Variants in CIMAP1B observed in about 807,000 individuals in gnomAD.
CIMAP1B encodes orf2 5' to PD-ECGF/TP.
chr22:50,531,330 C>G, the CIMAP1B span: 22 of 1,525,946 alleles, frequency 1.4e-5, no homozygotes, highest in African/African-American at 2.6e-4. Context: ...GGGGCTAGAA[C>G]TGCGTGGGAG....
At chr22:50,531,028 A>C in the CIMAP1B span, 1 of 1,609,382 alleles carries the variant, frequency 6.2e-7, no homozygotes, top group Non-Finnish European at 8.5e-7. Flanking sequence ...GCGCGGACCC[A>C]AGAGCGAGGG....
the CIMAP1B span, chr22:50,530,913 C>T: frequency 6.2e-7 from 1 of 1,609,312 alleles, no homozygotes; most frequent in Non-Finnish European, 8.5e-7. Context: ...GGACCCCCTG[C>T]GTCCGCCCCG....
the CIMAP1B span, chr22:50,531,743 C>A: frequency 1.5e-6 from 2 of 1,369,556 alleles, no homozygotes; most frequent in Non-Finnish European, 1.9e-6. Context: ...GGCGGGGGCG[C>A]GCGGCCGCGA....
chr22:50,532,036 C>A, the CIMAP1B span: 1 of 1,344,722 alleles, frequency 7.4e-7, no homozygotes, highest in Non-Finnish European at 9.6e-7. Context: ...GGCCGCGGGG[C>A]CGGTGTGGCC....
At chr22:50,531,228 G>A in the CIMAP1B span, 2 of 1,612,828 alleles carry the variant, frequency 1.2e-6, no homozygotes, top group Non-Finnish European at 1.7e-6. Flanking sequence ...CCCAGTTTCG[G>A]GGAGCAATGG....
chr22:50,531,247 G>A, the CIMAP1B span: 35 of 1,611,904 alleles, frequency 2.2e-5, no homozygotes, highest in Non-Finnish European at 2.9e-5. Flanking sequence ...GGTGTGCCGA[G>A]GCGCACTGGG....
At chr22:50,531,061 G>C in the CIMAP1B span, 1 of 1,608,492 alleles carries the variant, frequency 6.2e-7, no homozygotes, top group Non-Finnish European at 8.5e-7. Context: ...CGCGGGACCT[G>C]GGGAGGAGGC....
the CIMAP1B span, chr22:50,532,328 C>T: frequency 5.0e-6 from 2 of 402,050 alleles, no homozygotes; most frequent in Non-Finnish European, 8.5e-6. Context: ...TAGGCAGGGA[C>T]GTGAACTCGC....
At chr22:50,532,192 G>C in the CIMAP1B span, 1 of 1,241,278 alleles carries the variant, frequency 8.1e-7, no homozygotes, top group Non-Finnish European at 1.0e-6. Context: ...TGGGATCAGC[G>C]CGGGGCGGGG....
chr22:50,531,110 G>A, the CIMAP1B span: 1 of 1,588,810 alleles, frequency 6.3e-7, no homozygotes, highest in Non-Finnish European at 8.6e-7. Context: ...ACAGGCGCAG[G>A]GTGGTCCCAG....
At chr22:50,532,167 A>G in the CIMAP1B span, 1 of 1,301,396 alleles carries the variant, frequency 7.7e-7, no homozygotes, top group Non-Finnish European at 9.8e-7. Context: ...TGGGGAGCGC[A>G]CTTTCCCACT....
At chr22:50,530,792 G>C in the CIMAP1B span, 1 of 1,605,672 alleles carries the variant, frequency 6.2e-7, no homozygotes, top group South Asian at 1.1e-5. Context: ...ATCGTGAACT[G>C]GGGGGCCCGG....
At chr22:50,531,433 A>T in the CIMAP1B span, 4 of 1,075,824 alleles carry the variant, frequency 3.7e-6, no homozygotes, top group Non-Finnish European at 5.3e-6. Context: ...TTGGGATTTG[A>T]GATCCGGATA....
At chr22:50,530,651 T>C in the CIMAP1B span, 1 of 1,590,646 alleles carries the variant, frequency 6.3e-7, no homozygotes, top group Non-Finnish European at 8.6e-7. Flanking sequence ...ATCCCATCAC[T>C]CCGACCTCAG....
chr22:50,531,747 G>A, the CIMAP1B span: 1 of 1,372,136 alleles, frequency 7.3e-7, no homozygotes, highest in Non-Finnish European at 9.4e-7. Flanking sequence ...GGGGCGCGCG[G>A]CCGCGACGGG....
the CIMAP1B span, chr22:50,532,333 A>G: frequency 2.7e-6 from 1 of 374,492 alleles, no homozygotes; most frequent in Non-Finnish European, 4.6e-6. Context: ...AGGGACGTGA[A>G]CTCGCGGGGG....
chr22:50,531,398 A>G, the CIMAP1B span: 34 of 1,132,310 alleles, frequency 3.0e-5, no homozygotes, highest in East Asian at 1.5e-4. Flanking sequence ...GCCACGATTT[A>G]TCAAAGCCCC....
the CIMAP1B span, chr22:50,531,573 G>A: frequency 1.4e-6 from 2 of 1,418,756 alleles, no homozygotes; most frequent in South Asian, 1.6e-5. Flanking sequence ...TCCTGACCAG[G>A]TCCCGGAGTG....
At chr22:50,530,684 T>A in the CIMAP1B span, 17 of 1,608,742 alleles carry the variant, frequency 1.1e-5, no homozygotes, top group Non-Finnish European at 8.5e-7. Context: ...CTCCTGACTC[T>A]GACCCTTGAC....
Sources: allele counts gnomAD v4.1 joint callset, GRCh38; gene constraint gnomAD v4.1.1; transcripts MANE v1.5; gene names NCBI Gene and HGNC (gene_info 2026-07-23, HGNC 2026-07-21).